FHIT: variants seen among roughly 807,000 people sequenced by gnomAD.
FHIT encodes the protein fragile histidine triad diadenosine triphosphatase.
A neutral mutation model predicts 17.9 loss-of-function variants in FHIT; 19 were observed. The ratio of observed to expected loss-of-function variants is 1.06; its 90% CI spans 0.74 to 1.56. FHIT has a LOEUF of 1.56. FHIT is among the 40% of genes most tolerant of loss of function. The pLI is 0.00. For synonymous variants in FHIT, 81 were observed against 69.7 expected, an observed-to-expected ratio of 1.16 and a Z score of -0.81; for missense variants, 248 against 189.2, an observed-to-expected ratio of 1.31 and a Z score of -1.82.
chr3:61,222,711 G>A lies in FHIT; in HGVS notation c.-212-22046C>T, dbSNP rs149758726. Among the ~76,000 whole-genome samples, 418 of 152,262 alleles carry A rather than the reference G, an allele frequency of 2.7e-3. 3 individuals carry two copies. The highest frequency in any genetic ancestry group is 9.3e-3 in the African/African-American group (385 of 41,550). On this transcript the variant is annotated intron_variant, in intron 1 of 9. Transcript: ENST00000492590. ...AATGAATACTGCAAAGAAAAATGAGGAGGATTACAGTACTAGATACTTCAG... is the reference window on the plus strand; with the variant it reads ...AATGAATACTGCAAAGAAAAATGAGAAGGATTACAGTACTAGATACTTCAG...
intron 3 of FHIT, among the ~76,000 whole-genome samples, chr3:60,844,739 C>A (rs1202128709): frequency 6.6e-6 from 1 of 152,084 alleles, no homozygotes; most frequent in Non-Finnish European, 1.5e-5. Flanking sequence ...TTCTGAATCC[C>A]TTTCAAATCA....
intron 4 of FHIT, among the ~76,000 whole-genome samples, chr3:60,678,828 G>A (rs2040681447): frequency 6.6e-6 from 1 of 151,998 alleles, no homozygotes; most frequent in Non-Finnish European, 1.5e-5. Context: ...TTCTTTCTAA[G>A]AACAAGATTT....
At chr3:60,564,255 A>G (rs542244920) in intron 4 of FHIT, among the ~76,000 whole-genome samples, 2 of 152,262 alleles carry the variant, frequency 1.3e-5, no homozygotes, top group South Asian at 4.1e-4. Context: ...CTTGAGACCT[A>G]CTGCTCAGGA....
At chr3:59,981,737 T>G (rs1176366443) in intron 7 of FHIT, among the ~76,000 whole-genome samples, 1 of 152,134 alleles carries the variant, frequency 6.6e-6, no homozygotes, top group Non-Finnish European at 1.5e-5. Flanking sequence ...TAAACACACA[T>G]AAAACATTTA....
Position 60,113,438 on chromosome 3 carries a change from G to T in FHIT, c.104-99286C>A, listed in dbSNP as rs530715902. Among the ~76,000 whole-genome samples, 8 of 152,004 alleles carry T rather than the reference G, an allele frequency of 5.3e-5. No homozygotes were observed. In the South Asian group the frequency reaches 1.5e-3, roughly 28 times the overall value. ...AAAGAGAGAGCTGTTCAACGTGTGT[G>T]TGGCCATACACAGTGAATCTACTAA... On this transcript the variant is annotated intron_variant, in intron 5 of 9. Transcript: ENST00000492590.
chr3:60,679,246 G>A (rs1185425741), intron 4 of FHIT, among the ~76,000 whole-genome samples: 1 of 152,126 alleles, frequency 6.6e-6, no homozygotes, highest in Non-Finnish European at 1.5e-5. Context: ...ATAAGAATCC[G>A]TCCAACTGGA....
chr3:60,575,184 C>T lies in FHIT; in HGVS notation c.-17-38205G>A, dbSNP rs141775846. Among the ~76,000 whole-genome samples the T allele has an allele frequency of 8.2e-4, 125 of 152,196 alleles. 5 individuals are homozygous for T. In the East Asian group the frequency reaches 0.014, roughly 17 times the overall value. ...AAGGAAAAAGAAAGCGACTGTTGGACTTGGCTGAGTAGGTTGATAGCAAGC... is the reference window on the plus strand; with the variant it reads ...AAGGAAAAAGAAAGCGACTGTTGGATTTGGCTGAGTAGGTTGATAGCAAGC... On this transcript the variant is annotated intron_variant, in intron 4 of 9. Coordinates refer to ENST00000492590, the MANE Select transcript of FHIT (RefSeq NM_002012.4).
At chr3:60,151,858 C>T (rs957300015) in intron 5 of FHIT, among the ~76,000 whole-genome samples, 16 of 152,178 alleles carry the variant, frequency 1.1e-4, no homozygotes, top group Non-Finnish European at 2.4e-4. Flanking sequence ...CTAATACTCA[C>T]TATCCCCTTA....
intron 7 of FHIT, among the ~76,000 whole-genome samples, chr3:59,930,108 GGT>G (rs1182535351): frequency 6.6e-6 from 1 of 152,174 alleles, no homozygotes; most frequent in African/African-American, 2.4e-5. Flanking sequence ...TCCCAGCCAA[GGT>G]GTGAGGGAAC....
intron 5 of FHIT, among the ~76,000 whole-genome samples, chr3:60,127,223 T>C (rs1355878169): frequency 6.6e-6 from 1 of 152,184 alleles, no homozygotes; most frequent in Non-Finnish European, 1.5e-5. Context: ...CAGGGGAGGC[T>C]GACAGGCACA....
At chr3:60,930,172 G>C (rs1553771295) in intron 3 of FHIT, among the ~76,000 whole-genome samples, 3 of 151,952 alleles carry the variant, frequency 2.0e-5, no homozygotes, top group African/African-American at 7.3e-5. Context: ...TATGTAGAAA[G>C]CTGAAACTGG....
At chr3:60,069,551 A>T (rs1702671796) in intron 5 of FHIT, among the ~76,000 whole-genome samples, 2 of 152,232 alleles carry the variant, frequency 1.3e-5, no homozygotes, top group Non-Finnish European at 2.9e-5. Flanking sequence ...TTTGTCCAAG[A>T]CAGTAAAAGA....
At chr3:60,113,304 A>G (rs979376581) in intron 5 of FHIT, among the ~76,000 whole-genome samples, 2 of 152,134 alleles carry the variant, frequency 1.3e-5, no homozygotes, top group Non-Finnish European at 2.9e-5. Context: ...AAATTGTTTA[A>G]TGCATAAATG....
chr3:61,024,406 G>C (rs946245517), intron 3 of FHIT, among the ~76,000 whole-genome samples: 4 of 152,116 alleles, frequency 2.6e-5, no homozygotes, highest in African/African-American at 9.7e-5. Context: ...AAACTGGTAA[G>C]ATTAGGTCTT....
chr3:60,778,442 G>A (rs1375848792), intron 4 of FHIT, among the ~76,000 whole-genome samples: 2 of 152,186 alleles, frequency 1.3e-5, no homozygotes, highest in African/African-American at 2.4e-5. Flanking sequence ...AAGCTGAAAT[G>A]CTCATGATTA....
intron 5 of FHIT, among the ~76,000 whole-genome samples, chr3:60,322,010 A>G (rs577890870): frequency 1.8e-4 from 27 of 152,254 alleles, no homozygotes; most frequent in Admixed American, 2.6e-4. Context: ...TTGGAAGAAC[A>G]CAAACATTCA....
At chr3:59,846,594 C>A (rs1386396225) in intron 8 of FHIT, among the ~76,000 whole-genome samples, 3 of 151,986 alleles carry the variant, frequency 2.0e-5, no homozygotes, top group Non-Finnish European at 4.4e-5. Context: ...CATATAGAAA[C>A]AAAAAGTGGA....
At chr3:59,859,675 C>T (rs138805331) in intron 8 of FHIT, among the ~76,000 whole-genome samples, 3 of 152,228 alleles carry the variant, frequency 2.0e-5, no homozygotes, top group Admixed American at 1.3e-4. Context: ...AGCTGAAGAT[C>T]GCGTCACTGC....
At chr3:59,754,354 A>AGTG (rs1255366647) in intron 8 of FHIT, among the ~76,000 whole-genome samples, 7 of 152,196 alleles carry the variant, frequency 4.6e-5, no homozygotes, top group Non-Finnish European at 8.8e-5. Context: ...CTCCTTAGTG[A>AGTG]AAGAAAACCA....
Sources: gnomAD v4.1 joint callset for allele counts (sites outside exome capture counted in the v4.1 genomes callset) on GRCh38, gnomAD v4.1.1 for gene constraint, MANE v1.5 for transcripts, NCBI Gene and HGNC (gene_info 2026-07-23, HGNC 2026-07-21) for gene names.